The following RPS6KA2 variants were observed in gnomAD, a reference collection of about 807,000 sequenced individuals.
RPS6KA2 encodes ribosomal protein S6 kinase A2.
In RPS6KA2, 42 loss-of-function variants were observed where a neutral mutation model predicts 91.8. That is an observed-to-expected ratio of 0.46 (90% CI 0.36 to 0.59). RPS6KA2 has a LOEUF of 0.59. Among genes scored for constraint, RPS6KA2 ranks in the 20% least tolerant of loss-of-function variants. The probability of loss-of-function intolerance (pLI) is 0.00; values close to 1 mark genes in which losing one functional copy is unlikely to be tolerated. For synonymous variants in RPS6KA2, 414 were observed against 393.6 expected (o/e 1.05, Z -0.61); for missense variants, 798 against 978.5 (o/e 0.82, Z 2.46).
At chr6:166,587,019 T>C (rs750552705) in intron 1 of RPS6KA2, among the ~76,000 whole-genome samples, 13 of 152,304 alleles carry the variant, frequency 8.5e-5, no homozygotes, top group Non-Finnish European at 1.5e-4. Context: ...TCATAGTCTC[T>C]TTCCCCCCAC....
rs1348999234 is a variant in RPS6KA2, at chr6:166,772,444, G to A, written c.123+85756C>T. On this transcript the variant is annotated intron_variant, in intron 2 of 21. Transcript: ENST00000503859. The stretch of plus-strand genomic sequence containing the variant: ...AATTCAGTGTCCTGCCGACAGCTTC[G>A]GACGCTGGGATTCAGACCCACCAGA... Among the ~76,000 whole-genome samples, 4 of 152,350 alleles carry A rather than the reference G, an allele frequency of 2.6e-5. No homozygotes were observed. The South Asian group carries it at 6.2e-4, about 24-fold the overall frequency.
chr6:166,615,727 C>T (rs1786383931), intron 1 of RPS6KA2, among the ~76,000 whole-genome samples: 1 of 152,178 alleles, frequency 6.6e-6, no homozygotes, highest in African/African-American at 2.4e-5. Context: ...TCCTTATCCC[C>T]GCTCTATCCT....
intron 2 of RPS6KA2, among the ~76,000 whole-genome samples, chr6:166,856,753 G>A (rs112853977): frequency 1.3e-5 from 2 of 152,204 alleles, no homozygotes; most frequent in Non-Finnish European, 2.9e-5. Flanking sequence ...TTATGAATTT[G>A]CTGGGAAGGT....
chr6:166,761,579 C>T (rs1037373013), intron 2 of RPS6KA2, among the ~76,000 whole-genome samples: 5 of 152,224 alleles, frequency 3.3e-5, no homozygotes, highest in East Asian at 3.8e-4. Context: ...TAAACAACCA[C>T]GACACAGCGG....
chr6:166,441,856 C>G (rs1354059796), intron 14 of RPS6KA2, among the ~76,000 whole-genome samples: 1 of 152,254 alleles, frequency 6.6e-6, no homozygotes, highest in African/African-American at 2.4e-5. Context: ...GGGAAGGAAG[C>G]TGGAGCAGCT....
At chr6:166,776,890 G>T (rs2128608961) in intron 2 of RPS6KA2, among the ~76,000 whole-genome samples, 1 of 152,294 alleles carries the variant, frequency 6.6e-6, no homozygotes, top group South Asian at 2.1e-4. Flanking sequence ...GCGTATTTTT[G>T]TTTCAGTACC....
intron 14 of RPS6KA2, among the ~76,000 whole-genome samples, chr6:166,440,865 G>A (rs1263945131): frequency 1.3e-5 from 2 of 152,206 alleles, no homozygotes; most frequent in Non-Finnish European, 2.9e-5. Context: ...AAGTGCCGCC[G>A]GTGAGTATTC....
At chr6:166,519,634 C>A (rs1282320087) in intron 3 of RPS6KA2, among the ~76,000 whole-genome samples, 2 of 152,184 alleles carry the variant, frequency 1.3e-5, no homozygotes, top group African/African-American at 4.8e-5. Flanking sequence ...CAGGTTCACC[C>A]CACTGTGAAG....
At chr6:166,853,907 C>T (rs983265459) in intron 2 of RPS6KA2, among the ~76,000 whole-genome samples, 1 of 152,228 alleles carries the variant, frequency 6.6e-6, no homozygotes, top group Non-Finnish European at 1.5e-5. Flanking sequence ...AGGCCAGAGC[C>T]TCAGGGAGCC....
chr6:166,463,702 A>G (rs1780415020), intron 11 of RPS6KA2, among the ~76,000 whole-genome samples: 1 of 152,200 alleles, frequency 6.6e-6, no homozygotes, highest in South Asian at 2.1e-4. Flanking sequence ...CCTTCTGTAG[A>G]CGGTTTTGGC....
Position 166,720,564 on chromosome 6 carries a change from C to A in RPS6KA2, c.123+137636G>T, listed in dbSNP as rs1013629187. Among the ~76,000 whole-genome samples the A allele has an allele frequency of 2.6e-5, 4 of 152,218 alleles. No homozygotes were observed. In the South Asian group the frequency reaches 8.3e-4, roughly 32 times the overall value. On this transcript the variant is annotated intron_variant, in intron 2 of 21. Transcript: ENST00000503859. ...AATAAAAGTGTAAGAGAAAGAAAGGCATTATCAAAGAATCTAGGAAGTCCT... is the reference window on the plus strand; with the variant it reads ...AATAAAAGTGTAAGAGAAAGAAAGGAATTATCAAAGAATCTAGGAAGTCCT...
intron 2 of RPS6KA2, among the ~76,000 whole-genome samples, chr6:166,647,844 G>A (rs74433206): frequency 3.4e-3 from 152 of 44,458 alleles, no homozygotes; most frequent in Middle Eastern, 0.024. Context: ...GCTCACACAC[G>A]CACACGCACA....
At chr6:166,651,869 G>T (rs992578140) in intron 2 of RPS6KA2, among the ~76,000 whole-genome samples, 10 of 152,242 alleles carry the variant, frequency 6.6e-5, no homozygotes, top group African/African-American at 2.4e-4. Context: ...TATTGCTCTT[G>T]TATGAGTTCA....
At chr6:166,668,403 G>A (rs2128560027) in intron 2 of RPS6KA2, among the ~76,000 whole-genome samples, 1 of 152,294 alleles carries the variant, frequency 6.6e-6, no homozygotes, top group Admixed American at 6.5e-5. Flanking sequence ...CGTCAGACGT[G>A]AGGCTGTGCT....
At chr6:166,728,873 G>C (rs980117692) in intron 2 of RPS6KA2, among the ~76,000 whole-genome samples, 1 of 152,216 alleles carries the variant, frequency 6.6e-6, no homozygotes, top group Non-Finnish European at 1.5e-5. Context: ...AATCATTTTA[G>C]TGTGCTAAAA....
Position 166,434,810 on chromosome 6 carries a change from A to C in RPS6KA2, c.1333-2320T>G, listed in dbSNP as rs78658609. Among the ~76,000 whole-genome samples, 3 of 152,186 alleles carry C rather than the reference A, an allele frequency of 2.0e-5. No individual in the cohort carries two copies. Among genetic ancestry groups the C allele is most frequent in the Non-Finnish European group, 4.4e-5 (3 of 68,030 alleles). ...ATCTTCAAGATACAAGGAGTAAAAA[A>C]GGCCGACGCGAGCAGGTGCATCCTA... On this transcript the variant is annotated intron_variant, in intron 14 of 20. Transcript: ENST00000265678. This position sits in a 1 kb window ranked among gnomAD's most constrained non-coding sequence, Gnocchi z 4.4.
chr6:166,546,167 G>A (rs574564914), intron 1 of RPS6KA2, among the ~76,000 whole-genome samples: 112 of 152,208 alleles, frequency 7.4e-4, no homozygotes, highest in African/African-American at 2.6e-3. Flanking sequence ...GGAATGAGAC[G>A]GTAGCTACTG....
intron 2 of RPS6KA2, among the ~76,000 whole-genome samples, chr6:166,760,506 T>C (rs778846764): frequency 2.6e-5 from 4 of 152,144 alleles, no homozygotes; most frequent in Non-Finnish European, 5.9e-5. Context: ...CCCATCGCGG[T>C]CTGGTTTGAG....
At chr6:166,831,911 GAT>G in intron 2 of RPS6KA2, among the ~76,000 whole-genome samples, 1 of 29,336 alleles carries the variant, frequency 3.4e-5, no homozygotes, top group South Asian at 1.2e-3. Flanking sequence ...ATGATGGATG[GAT>G]AGATAGACAG....
Sources: gnomAD v4.1 joint callset for allele counts (sites outside exome capture counted in the v4.1 genomes callset) on GRCh38, gnomAD v4.1.1 for gene constraint, Gnocchi (gnomAD v3.1) non-coding constraint, MANE v1.5 for transcripts, NCBI Gene and HGNC (gene_info 2026-07-23, HGNC 2026-07-21) for gene names.